The following D2HGDH variants were observed in gnomAD, a reference collection of about 807,000 sequenced individuals.
The protein encoded by D2HGDH is D-2-hydroxyglutarate dehydrogenase.
A neutral mutation model predicts 46.9 loss-of-function variants in D2HGDH; 31 were observed. The observed-to-expected ratio is 0.66, with a 90% CI of 0.50 to 0.89. D2HGDH has a LOEUF of 0.89. D2HGDH is among the 40% of genes least tolerant of loss of function. The probability of loss-of-function intolerance (pLI) is 0.00; values close to 1 mark genes in which losing one functional copy is unlikely to be tolerated. For missense variants in D2HGDH, 698 were observed against 720.8 expected (o/e 0.97, Z 0.36); for synonymous variants, 364 against 332.6 (o/e 1.09, Z -1.03).
intron 2 of D2HGDH, among the ~76,000 whole-genome samples, chr2:241,740,573 G>A (rs1182161372): frequency 2.6e-5 from 4 of 152,224 alleles, no homozygotes; most frequent in African/African-American, 7.2e-5. Context: ...AGGCTGGAGT[G>A]CAGTGTTGCG....
chr2:241,750,286 C>A lies in D2HGDH; in HGVS notation c.989C>A (p.Pro330Gln). 1.2e-6 allele frequency: 2 copies of A among 1,600,802 alleles called. No individual in the cohort carries two copies. Among genetic ancestry groups the A allele is most frequent in the Non-Finnish European group, 1.7e-6 (2 of 1,172,046 alleles). ...LVGRHLHLASPVQESPFYVLI... is the reference protein window; with the variant it reads ...LVGRHLHLASQVQESPFYVLI... ...GGGCGCCATCTCCACCTGGCCAGCC[C>A]GGTGCAAGGTACTGACCCCCCACAC... The change falls in exon 7 of 10, where the codon CCG becomes CAG. Residue 330 changes from proline to glutamine, a missense_variant. Physicochemically the swap from Pro to Gln is moderately conservative, Grantham distance 76. Transcript: ENST00000321264.
chr2:241,763,717 T>C (rs1020462184), intron 9 of D2HGDH, among the ~76,000 whole-genome samples: 1 of 152,202 alleles, frequency 6.6e-6, no homozygotes, highest in Non-Finnish European at 1.5e-5. Context: ...AACGTTGTTA[T>C]GAAGCGTGAC....
intron 9 of D2HGDH, among the ~76,000 whole-genome samples, chr2:241,764,581 C>T (rs1446052004): frequency 6.6e-6 from 1 of 152,164 alleles, no homozygotes; most frequent in Non-Finnish European, 1.5e-5. Context: ...TTTGTCGGTT[C>T]TGGTGGAGGG....
intron 9 of D2HGDH, among the ~76,000 whole-genome samples, chr2:241,764,222 G>A (rs1699081541): frequency 6.6e-6 from 1 of 152,090 alleles, no homozygotes; most frequent in South Asian, 2.1e-4. Context: ...CTGTGGGAGG[G>A]GTCCCTGCTG....
chr2:241,752,603 T>A (rs1334099508), intron 8 of D2HGDH, among the ~76,000 whole-genome samples: 1 of 151,854 alleles, frequency 6.6e-6, no homozygotes, highest in Non-Finnish European at 1.5e-5. Flanking sequence ...AGCCAGTCAG[T>A]CTGTTTTCCC....
chr2:241,738,275 A>T (rs1559344285), intron 2 of D2HGDH, among the ~76,000 whole-genome samples: 1 of 152,086 alleles, frequency 6.6e-6, no homozygotes, highest in Non-Finnish European at 1.5e-5. Context: ...GCAGGTGAGG[A>T]TGGACGCCCA....
intron 8 of D2HGDH, 123 bp from the exon 9 acceptor site, chr2:241,755,726 G>A (rs547106003): frequency 6.3e-7 from 1 of 1,589,450 alleles, no homozygotes; most frequent in Non-Finnish European, 8.5e-7. Flanking sequence ...TGCTGTCCGG[G>A]GTCGGAGCCT....
rs143460342 is a variant in D2HGDH, at chr2:241,767,790, G to A, written c.1387G>A (p.Glu463Lys). ...GGCTGCCCTGGAGCCCCACGTGTAC[G>A]AGTGGACGGCCGGGCAGCAGGGCAG... is the stretch of plus-strand genomic sequence containing the variant. ...LLAALEPHVYEWTAGQQGSVS... is the reference protein window; with the variant it reads ...LLAALEPHVYKWTAGQQGSVS... The change falls in exon 10 of 10, where the codon GAG becomes AAG. Residue 463 changes from glutamate to lysine, a missense_variant. Coordinates refer to ENST00000321264, the MANE Select transcript of D2HGDH (RefSeq NM_152783.5). 204 of 1,612,354 alleles carry A rather than the reference G, an allele frequency of 1.3e-4. 1 individual carries two copies. In the African/African-American group the frequency reaches 2.3e-3, roughly 18 times the overall value.
intron 2 of D2HGDH, among the ~76,000 whole-genome samples, chr2:241,740,730 AG>A (rs1694219894): frequency 6.6e-6 from 1 of 152,164 alleles, no homozygotes; most frequent in Non-Finnish European, 1.5e-5. Flanking sequence ...GCGGATCACG[AG>A]GTCAGGAGTT....
Position 241,768,257 on chromosome 2 carries a change from G to T in D2HGDH, c.*288G>T. On this transcript the variant is annotated 3_prime_UTR_variant, in exon 10 of 10. Transcript: ENST00000321264. ...GCAGCTTTGCCCACGTGGAAGCGGG[G>T]TGGGTCTCACTTGCGTGGTGGCCCC... 1 of 485,416 alleles carries T rather than the reference G, an allele frequency of 2.1e-6. No individual in the cohort carries two copies. The highest frequency in any genetic ancestry group is 2.8e-5 in the South Asian group (1 of 35,430). 30.1% of individuals were successfully genotyped at this position (485,416 alleles called of 1,614,324 possible).
chr2:241,742,068 G>A lies in D2HGDH; in HGVS notation c.351-367G>A, dbSNP rs1694614900. Among the ~76,000 whole-genome samples, 1 of 152,168 alleles carries A rather than the reference G, an allele frequency of 6.6e-6. No homozygotes were observed. Among genetic ancestry groups the A allele is most frequent in the Non-Finnish European group, 1.5e-5 (1 of 68,028 alleles). Reference sequence around the variant, plus strand: ...AATGGGCCGAGGGTGGGGAGATGCAGGCAGAGGGTGGAAGGCAGTGGGGGC... The same window carrying A: ...AATGGGCCGAGGGTGGGGAGATGCAAGCAGAGGGTGGAAGGCAGTGGGGGC... On this transcript the variant is annotated intron_variant, in intron 3 of 9. Coordinates refer to ENST00000321264, the MANE Select transcript of D2HGDH (RefSeq NM_152783.5). The surrounding 1 kb of genome is among the most constrained non-coding windows in gnomAD (Gnocchi z 4.8).
At chr2:241,756,133 C>T in intron 9 of D2HGDH, 119 bp downstream of exon 9, 1 of 1,364,880 alleles carries the variant, frequency 7.3e-7, no homozygotes, top group East Asian at 2.5e-5. Flanking sequence ...CTTAGCATAT[C>T]TCCCGTAGAC....
intron 9 of D2HGDH, among the ~76,000 whole-genome samples, chr2:241,760,397 G>A (rs1014457585): frequency 6.7e-6 from 1 of 149,762 alleles, no homozygotes. Flanking sequence ...AGCGTGGGTG[G>A]GCCTTACCCA....
chr2:241,745,806 T>C (rs1695708310), intron 6 of D2HGDH, among the ~76,000 whole-genome samples: 1 of 152,152 alleles, frequency 6.6e-6, no homozygotes, highest in African/African-American at 2.4e-5. Context: ...TCATCCTCAT[T>C]CTTGAAGGCT....
rs1428997159 is a variant in D2HGDH at position 241,743,627 on chromosome 2, C to G, written c.496C>G (p.Leu166Val). The G allele has an allele frequency of 6.2e-7, 1 of 1,613,254 alleles. No individual in the cohort carries two copies. The highest frequency in any genetic ancestry group is 1.7e-5 in the Admixed American group (1 of 59,976). ...VLSFHSVSGILVCQAGCVLEE... is the reference protein window; with the variant it reads ...VLSFHSVSGIVVCQAGCVLEE... ...AGCCTGGTCACTCTCTGCAGGAATT[C>G]TGGTTTGCCAGGCGGGCTGCGTCCT... Residue 166 changes from leucine (L) to valine (V), a missense_variant, in exon 5 of 10, where the codon CTG becomes GTG. Leu to Val is a conservative substitution (Grantham distance 32). Transcript: ENST00000321264. This position sits in a 1 kb window ranked among gnomAD's most constrained non-coding sequence, Gnocchi z 4.8.
chr2:241,745,599 T>TGTTGTGATGTGTGTTCC (rs1182618947), intron 6 of D2HGDH, among the ~76,000 whole-genome samples: 1 of 152,176 alleles, frequency 6.6e-6, no homozygotes, highest in Non-Finnish European at 1.5e-5. Context: ...TACATCTTCT[T>TGTTGTGATGTGTGTTCC]GTTGTGATGT....
Position 241,743,836 on chromosome 2 carries a change from G to A in D2HGDH, c.684+21G>A, listed in dbSNP as rs1250705018. 6.3e-7 allele frequency: 1 copy of A among 1,578,592 alleles called. No individual in the cohort carries two copies. Among genetic ancestry groups the A allele is most frequent in the Admixed American group, 1.8e-5 (1 of 55,124 alleles). Reference sequence around the variant, plus strand: ...AAGTGGTGAGCTGGGGCAGCTGCTTGGTGCAGAGGTCGCCACGGGGTGTCC... The same window carrying A: ...AAGTGGTGAGCTGGGGCAGCTGCTTAGTGCAGAGGTCGCCACGGGGTGTCC... On this transcript the variant is annotated intron_variant, in intron 5 of 9. Transcript: ENST00000321264. The surrounding 1 kb of genome is among the most constrained non-coding windows in gnomAD (Gnocchi z 4.8).
intron 9 of D2HGDH, among the ~76,000 whole-genome samples, chr2:241,763,866 C>T (rs896343336): frequency 5.9e-5 from 9 of 151,864 alleles, no homozygotes; most frequent in Admixed American, 1.3e-4. Context: ...CGGCCCCCCA[C>T]CCCCGACCAC....
At chr2:241,760,320 C>T (rs113963467) in intron 9 of D2HGDH, among the ~76,000 whole-genome samples, 3 of 83,436 alleles carry the variant, frequency 3.6e-5, no homozygotes, top group South Asian at 4.2e-4. Flanking sequence ...GGGCCTTACC[C>T]AATCAGTCGA....
Sources: gnomAD v4.1 joint callset for allele counts (sites outside exome capture counted in the v4.1 genomes callset) on GRCh38, gnomAD v4.1.1 for gene constraint, Gnocchi (gnomAD v3.1) non-coding constraint, MANE v1.5 for transcripts, NCBI Gene and HGNC (gene_info 2026-07-23, HGNC 2026-07-21) for gene names.